The following NECAB2 variants were observed in gnomAD, a reference collection of about 807,000 sequenced individuals.
NECAB2 encodes the protein N-terminal EF-hand calcium binding protein 2.
NECAB2 carries 68 observed loss-of-function variants against 51.9 expected under a neutral mutation model. The observed-to-expected ratio is 1.31, with a 90% confidence interval of 1.08 to 1.60. The LOEUF (loss-of-function observed/expected upper bound fraction) is 1.60. NECAB2 is among the 40% of genes most tolerant of loss of function. NECAB2 has a pLI of 0.00. For synonymous variants in NECAB2, 329 were observed against 203.5 expected (o/e 1.62, Z -5.25); for missense variants, 854 against 490.3 (o/e 1.74, Z -7.00).
At chr16:84,002,152 T>C (rs539492394) in intron 12 of NECAB2, among the ~76,000 whole-genome samples, 166 bp from the exon 13 acceptor site, 1 of 152,220 alleles carries the variant, frequency 6.6e-6, no homozygotes, top group South Asian at 2.1e-4. Flanking sequence ...CCAGACTGAA[T>C]TTCCCTTCCC....
chr16:83,970,571 C>T (rs947745876), intron 1 of NECAB2, among the ~76,000 whole-genome samples: 6 of 152,028 alleles, frequency 3.9e-5, no homozygotes, highest in African/African-American at 1.2e-4. Context: ...GGATGGGGGG[C>T]GAGGGCATCT....
At position 83,968,643 on chromosome 16, in the gene NECAB2, G is replaced by C. The variant is rs1456180777; in HGVS notation, c.-6G>C. The C allele has an allele frequency of 2.8e-5, 27 of 979,780 alleles. No individual in the cohort carries two copies. The highest frequency in any genetic ancestry group is 3.1e-5 in the Non-Finnish European group (26 of 827,874). 60.7% of individuals were successfully genotyped at this position (979,780 alleles called of 1,614,324 possible). A position where few individuals can be genotyped will look rare whatever the true frequency, so the allele number is the denominator to read the frequency against. ...GCTTCCGGGCGGCGGCGGCGGGCGCGGCGCGATGTGCGAGCGGGCGGCGCG... is the reference window on the plus strand; with the variant it reads ...GCTTCCGGGCGGCGGCGGCGGGCGCCGCGCGATGTGCGAGCGGGCGGCGCG... On this transcript the variant is annotated 5_prime_UTR_variant, in exon 1 of 13. Coordinates refer to ENST00000305202, the MANE Select transcript of NECAB2 (RefSeq NM_019065.3).
intron 8 of NECAB2, among the ~76,000 whole-genome samples, chr16:83,996,556 G>C (rs1015498756): frequency 6.6e-6 from 1 of 152,150 alleles, no homozygotes; most frequent in Admixed American, 6.5e-5. Context: ...GGTTAGTGGG[G>C]TGCCCAAGCT....
intron 1 of NECAB2, among the ~76,000 whole-genome samples, chr16:83,970,383 C>G (rs1288164013): frequency 6.6e-6 from 1 of 152,138 alleles, no homozygotes; most frequent in Non-Finnish European, 1.5e-5. Flanking sequence ...AGGAGCCTTG[C>G]CCAGTCAGGA....
intron 2 of NECAB2, among the ~76,000 whole-genome samples, chr16:83,975,804 A>G (rs1463834922): frequency 6.6e-6 from 1 of 152,160 alleles, no homozygotes; most frequent in African/African-American, 2.4e-5. Flanking sequence ...GTTTGTGCTA[A>G]TTAGCAAAGA....
intron 2 of NECAB2, among the ~76,000 whole-genome samples, chr16:83,973,968 C>T (rs1364015998): frequency 6.6e-6 from 1 of 151,980 alleles, no homozygotes; most frequent in Non-Finnish European, 1.5e-5. Context: ...GCAGGTGGTG[C>T]CTGGCCCCCT....
chr16:83,979,646 C>G (rs908001640), intron 3 of NECAB2, among the ~76,000 whole-genome samples: 23 of 150,962 alleles, frequency 1.5e-4, no homozygotes, highest in African/African-American at 2.9e-4. Flanking sequence ...TAGACCTTCT[C>G]TTTCAGGGCC....
At chr16:83,997,181 T>A (rs374134016) in intron 8 of NECAB2, 35 bp from the exon 9 acceptor site, 2 of 1,613,858 alleles carry the variant, frequency 1.2e-6, no homozygotes, top group Non-Finnish European at 1.7e-6. Context: ...AGTGGGGCTC[T>A]GGGTCTAGCA....
rs757129822 is a variant in NECAB2, at chr16:83,977,485, G to T, written c.227-959G>T. 2.6e-5 allele frequency among the ~76,000 whole-genome samples: 4 copies of T among 152,082 alleles called. No homozygotes were observed. In the East Asian group the frequency reaches 7.7e-4, roughly 29 times the overall value. On this transcript the variant is annotated intron_variant, in intron 2 of 12. Transcript: ENST00000305202. The stretch of plus-strand genomic sequence containing the variant: ...AAACCCACAAGACCTTCCTGGTAGG[G>T]CCAAAAGTGTCCCCAGAGCAACTGC...
rs370056867 is a variant in NECAB2 at position 83,998,561 on chromosome 16, G to A, written c.962+244G>A. ...ATCTGTAAAGGGGGGACCACCCCCA[G>A]GACTCCTTGCTGGGGTGATCATGAG... On this transcript the variant is annotated intron_variant, in intron 10 of 12. Coordinates refer to ENST00000305202, the MANE Select transcript of NECAB2 (RefSeq NM_019065.3). Among the ~76,000 whole-genome samples, 359 of 152,300 alleles carry A rather than the reference G, an allele frequency of 2.4e-3. 2 individuals are homozygous for A. The highest frequency in any genetic ancestry group is 8.2e-3 in the African/African-American group (341 of 41,566).
intron 2 of NECAB2, among the ~76,000 whole-genome samples, chr16:83,975,866 C>T (rs758836156): frequency 7.2e-5 from 11 of 152,188 alleles, no homozygotes; most frequent in South Asian, 2.1e-4. Context: ...AGCGCGGGCC[C>T]GCTTGGCCTG....
At chr16:83,988,913 G>A (rs2084587932) in intron 5 of NECAB2, among the ~76,000 whole-genome samples, 1 of 152,164 alleles carries the variant, frequency 6.6e-6, no homozygotes, top group African/African-American at 2.4e-5. Flanking sequence ...TCTTTACATG[G>A]GGGAATGTAG....
Position 83,972,218 on chromosome 16 carries a change from T to A in NECAB2, c.226+43T>A, listed in dbSNP as rs200364002. 56 of 1,612,894 alleles carry A rather than the reference T, an allele frequency of 3.5e-5. No homozygotes were observed. The East Asian group carries it at 1.1e-3, about 33-fold the overall frequency. ...GCCGACGGCCGCCCCACTCCTTCTG[T>A]CCTCGTGCTTCATGGGGAAGGGATC... On this transcript the variant is annotated intron_variant, in intron 2 of 12. Transcript: ENST00000305202.
Position 83,992,380 on chromosome 16 carries a change from C to CCA in NECAB2, c.596+1751_596+1752insAC, listed in dbSNP as rs199574224. 3.0e-3 allele frequency among the ~76,000 whole-genome samples: 440 copies of CCA among 145,240 alleles called. 19 individuals carry two copies. The highest frequency in any genetic ancestry group is 0.011 in the African/African-American group (418 of 36,564). On this transcript the variant is annotated intron_variant, in intron 6 of 12. Transcript: ENST00000305202. ...TCCCGGGGAACACGAGCACCCGTCC[C>CCA]CCCGCCCACCTCCATTTGCTGTTTC...
At chr16:83,997,030 A>C (rs1053415877) in intron 8 of NECAB2, among the ~76,000 whole-genome samples, 186 bp from the exon 9 acceptor site, 2 of 150,346 alleles carry the variant, frequency 1.3e-5, no homozygotes, top group African/African-American at 2.5e-5. Flanking sequence ...CACCCCAGCA[A>C]CATGTTCTAG....
In NECAB2 at chr16:84,002,276, A is replaced by G. The variant is rs1056812660; in HGVS notation, c.1133-42A>G. On this transcript the variant is annotated intron_variant, in intron 12 of 12. Transcript: ENST00000305202. ...ACCACCACCAGCTACGAGGCTGCCC[A>G]CATTCGCACTCCTTCCCTCTAACGT... The G allele has an allele frequency of 5.0e-6, 8 of 1,610,998 alleles. No individual in the cohort carries two copies. The Admixed American group carries it at 5.0e-5, about 10-fold the overall frequency.
intron 5 of NECAB2, among the ~76,000 whole-genome samples, chr16:83,990,108 C>A (rs750537224): frequency 6.6e-6 from 1 of 152,228 alleles, no homozygotes; most frequent in Non-Finnish European, 1.5e-5. Flanking sequence ...CTGCCACCAT[C>A]ACCGTCATCT....
chr16:84,002,314 T>TACCTTC lies in NECAB2; in HGVS notation c.1133-4_1133-3insACCTTC. ...TTCCCTCTAACGTGTCTCTCTCCTT[T>TACCTTC]TAGCTGCTTGGTGCACGGTGGGACG... On this transcript the variant is annotated splice_region_variant and splice_polypyrimidine_tract_variant and intron_variant, in intron 12 of 12. Transcript: ENST00000305202. 1 of 1,613,552 alleles carries TACCTTC rather than the reference T, an allele frequency of 6.2e-7. No individual in the cohort carries two copies. The highest frequency in any genetic ancestry group is 8.5e-7 in the Non-Finnish European group (1 of 1,179,774).
intron 5 of NECAB2, among the ~76,000 whole-genome samples, chr16:83,988,335 C>A (rs1597212677): frequency 6.6e-6 from 1 of 152,096 alleles, no homozygotes; most frequent in East Asian, 1.9e-4. Flanking sequence ...ATGTACAATT[C>A]CTAGTTTTCA....
Sources: allele counts gnomAD v4.1 joint callset (sites outside exome capture counted in the v4.1 genomes callset), GRCh38; gene constraint gnomAD v4.1.1; transcripts MANE v1.5; gene names NCBI Gene and HGNC (gene_info 2026-07-23, HGNC 2026-07-21).